The following TMEM232 variants were observed in gnomAD, a reference collection of about 807,000 sequenced individuals.
The protein encoded by TMEM232 is transmembrane protein 232.
TMEM232 carries 80 observed loss-of-function variants against 78.8 expected under a neutral mutation model. The observed-to-expected ratio is 1.01, with a 90% CI of 0.85 to 1.22. The LOEUF is 1.22. TMEM232 is among the 50% of genes most tolerant of loss of function. The probability of loss-of-function intolerance (pLI) is 0.00; values close to 1 mark genes in which losing one functional copy is unlikely to be tolerated. For missense variants in TMEM232, 881 were observed against 742.2 expected, an observed-to-expected ratio of 1.19 and a Z score of -2.17; for synonymous variants, 297 against 254.3, an observed-to-expected ratio of 1.17 and a Z score of -1.60.
intron 8 of TMEM232, chr5:110,610,537 G>A (rs1008710050): frequency 3.1e-5 from 14 of 456,156 alleles, no homozygotes; most frequent in Non-Finnish European, 5.7e-5. Context: ...CATAGTATTT[G>A]TGCAGAGCTT....
chr5:110,417,638 T>TTTTTG (rs1561465536), downstream of TMEM232: 1 of 118,548 alleles, frequency 8.4e-6, no homozygotes, highest in African/African-American at 4.8e-5. Flanking sequence ...TTTTTTTTTT[T>TTTTTG]GTCCGGGGTA....
At chr5:110,650,360 A>G (rs1329590801) in intron 2 of TMEM232, among the ~76,000 whole-genome samples, 1 of 152,144 alleles carries the variant, frequency 6.6e-6, no homozygotes, top group Non-Finnish European at 1.5e-5. Flanking sequence ...AAATTGATAC[A>G]AATGAACTGC....
At position 110,462,444 on chromosome 5, in the gene TMEM232, G is replaced by A. The variant is rs150266332; in HGVS notation, c.1704-37528C>T. On this transcript the variant is annotated intron_variant, in intron 12 of 13. Coordinates refer to ENST00000455884, the MANE Select transcript of TMEM232 (RefSeq NM_001039763.4). The stretch of plus-strand genomic sequence containing the variant: ...GGGCACCATCTAATCAGCTGCCAGC[G>A]CAGCTAGGATAAAAGCAGGCAGAGG... Among the ~76,000 whole-genome samples, 738 of 152,282 alleles carry A rather than the reference G, an allele frequency of 4.8e-3. 2 individuals are homozygous for A. Among genetic ancestry groups the A allele is most frequent in the African/African-American group, 0.016 (684 of 41,558 alleles).
intron 3 of TMEM232, among the ~76,000 whole-genome samples, chr5:110,394,862 C>T (rs528275718): frequency 1.3e-5 from 2 of 152,116 alleles, no homozygotes; most frequent in Non-Finnish European, 2.9e-5. Context: ...GCCCTCTATG[C>T]CTCCAATAGG....
chr5:110,524,692 G>A (rs1770308293), intron 12 of TMEM232, among the ~76,000 whole-genome samples: 1 of 152,048 alleles, frequency 6.6e-6, no homozygotes, highest in African/African-American at 2.4e-5. Context: ...CAAGCTCAAT[G>A]TTTGCTTATT....
chr5:110,389,268 C>CAAACAAACAAACAAACA (rs6149176), intron 4 of TMEM232, among the ~76,000 whole-genome samples: 4 of 151,250 alleles, frequency 2.6e-5, no homozygotes, highest in African/African-American at 9.8e-5. Context: ...CTCAAACAAA[C>CAAACAAACAAACAAACA]AAACAAAACA....
At chr5:110,533,138 T>C (rs1397263864) in intron 11 of TMEM232, among the ~76,000 whole-genome samples, 1 of 152,162 alleles carries the variant, frequency 6.6e-6, no homozygotes, top group Non-Finnish European at 1.5e-5. Context: ...CAGCCTCTCT[T>C]TGCTTTCACC....
intron 1 of TMEM232, among the ~76,000 whole-genome samples, chr5:110,735,962 G>C (rs1041957106): frequency 2.6e-5 from 4 of 152,132 alleles, no homozygotes; most frequent in African/African-American, 9.7e-5. Flanking sequence ...GAAACCTAAG[G>C]CAGAACTATC....
chr5:110,502,763 G>A (rs1766413842), intron 12 of TMEM232, among the ~76,000 whole-genome samples: 1 of 152,032 alleles, frequency 6.6e-6, no homozygotes, highest in Non-Finnish European at 1.5e-5. Flanking sequence ...CTTCATTTGG[G>A]CATTGTACTC....
At chr5:110,493,613 T>G (rs918126529) in intron 12 of TMEM232, among the ~76,000 whole-genome samples, 4 of 152,062 alleles carry the variant, frequency 2.6e-5, no homozygotes, top group African/African-American at 9.7e-5. Flanking sequence ...GTGTAAATAT[T>G]GGCTACTCTT....
intron 12 of TMEM232, among the ~76,000 whole-genome samples, chr5:110,501,791 T>C (rs184660670): frequency 5.8e-4 from 89 of 152,234 alleles, no homozygotes; most frequent in Non-Finnish European, 9.3e-4. Flanking sequence ...AAATCACTGG[T>C]TGAAGCTATC....
intron 2 of TMEM232, among the ~76,000 whole-genome samples, chr5:110,657,384 A>AGTGTGTGT (rs56213934): frequency 0.038 from 5,665 of 149,234 alleles, 185 homozygotes; most frequent in African/African-American, 0.089. Flanking sequence ...TATCTATCTG[A>AGTGTGTGT]GTGTGTGTGT....
At chr5:110,489,801 A>C (rs1392734762) in intron 12 of TMEM232, among the ~76,000 whole-genome samples, 4 of 152,038 alleles carry the variant, frequency 2.6e-5, no homozygotes, top group African/African-American at 7.2e-5. Flanking sequence ...GAATTCATCA[A>C]GGTCACAGGA....
chr5:110,415,009 A>G (rs1756138337), downstream of TMEM232, among the ~76,000 whole-genome samples: 1 of 152,112 alleles, frequency 6.6e-6, no homozygotes, highest in South Asian at 2.1e-4. Flanking sequence ...TGTGTCATTG[A>G]AAATGTTTGC....
At chr5:110,734,808 T>C (rs188138319) in intron 2 of TMEM232, 4 of 152,336 alleles carry the variant, frequency 2.6e-5, no homozygotes, top group East Asian at 3.9e-4. Flanking sequence ...AACACCTCTA[T>C]TGTTTGAAAG....
intron 3 of TMEM232, among the ~76,000 whole-genome samples, chr5:110,397,239 G>C (rs1755421509): frequency 6.6e-6 from 1 of 152,102 alleles, no homozygotes; most frequent in Non-Finnish European, 1.5e-5. Flanking sequence ...CTCAAGACTA[G>C]ATATATGCCA....
intron 11 of TMEM232, among the ~76,000 whole-genome samples, chr5:110,567,516 T>C (rs1305995946): frequency 1.3e-5 from 2 of 151,838 alleles, no homozygotes; most frequent in Non-Finnish European, 2.9e-5. Context: ...ACCAAAATTA[T>C]AAAAATAAAA....
At chr5:110,475,248 AT>A (rs1032756844) in intron 12 of TMEM232, among the ~76,000 whole-genome samples, 2 of 151,486 alleles carry the variant, frequency 1.3e-5, no homozygotes, top group African/African-American at 4.8e-5. Context: ...GAAAGCCTGT[AT>A]TTTTTTTCTG....
intron 12 of TMEM232, among the ~76,000 whole-genome samples, chr5:110,499,557 A>G (rs999715390): frequency 5.3e-5 from 8 of 152,194 alleles, no homozygotes; most frequent in African/African-American, 1.9e-4. Context: ...CGCCTGGCCA[A>G]GAGATACATT....
Sources: gnomAD v4.1 joint callset for allele counts (sites outside exome capture counted in the v4.1 genomes callset) on GRCh38, gnomAD v4.1.1 for gene constraint, MANE v1.5 for transcripts, NCBI Gene and HGNC (gene_info 2026-07-23, HGNC 2026-07-21) for gene names.